The following ZNF335 variants were observed in gnomAD, a reference collection of about 807,000 sequenced individuals.
The protein encoded by ZNF335 is zinc finger protein 335, also known as NRC-interacting factor 1.
ZNF335 carries 84 observed loss-of-function variants against 145.6 expected under a neutral mutation model. The ratio of observed to expected loss-of-function variants is 0.58; its 90% CI spans 0.48 to 0.69. ZNF335 has a LOEUF of 0.69. Ranked by LOEUF, ZNF335 falls within the 30% of genes least tolerant of loss-of-function variation. The probability of loss-of-function intolerance (pLI) is 0.00; values close to 1 mark genes in which losing one functional copy is unlikely to be tolerated. For missense variants in ZNF335, 1,865 were observed against 1,809.7 expected, an observed-to-expected ratio of 1.03 and a Z score of -0.55; for synonymous variants, 761 against 717.0, an observed-to-expected ratio of 1.06 and a Z score of -0.98.
intron 15 of ZNF335, among the ~76,000 whole-genome samples, chr20:45,958,300 G>A (rs2083765562): frequency 6.6e-6 from 1 of 152,154 alleles, no homozygotes. Context: ...ACCCACCTCG[G>A]CCTCCCAAAG....
chr20:45,971,666 G>C (rs1337076351), intron 1 of ZNF335: 2 of 985,380 alleles, frequency 2.0e-6, no homozygotes, highest in Admixed American at 6.1e-5. Context: ...CCCTTCCCGG[G>C]AGGGTGGTCA....
At chr20:45,964,145 G>C (rs1374091654) in intron 7 of ZNF335, 155 bp from the exon 8 acceptor site, 1 of 938,530 alleles carries the variant, frequency 1.1e-6, no homozygotes, top group Non-Finnish European at 1.5e-6. Context: ...CCTGTGGTTA[G>C]AGGGCAGCAT....
Position 45,964,125 on chromosome 20 carries a change from A to C in ZNF335, c.1103-135T>G, listed in dbSNP as rs1440140968. 3.6e-6 allele frequency: 4 copies of C among 1,098,380 alleles called. No homozygotes were observed. The Admixed American group carries it at 1.2e-4, about 34-fold the overall frequency. 68.0% of individuals were successfully genotyped at this position (1,098,380 alleles called of 1,614,324 possible). On this transcript the variant is annotated intron_variant, in intron 7 of 27. Transcript: ENST00000322927. Reference sequence around the variant, plus strand: ...ACTGATGGGTGCATTGAGTCACATGACACAGACAGCCTGTGGTTAGAGGGC... The same window carrying C: ...ACTGATGGGTGCATTGAGTCACATGCCACAGACAGCCTGTGGTTAGAGGGC...
intron 6 of ZNF335, among the ~76,000 whole-genome samples, chr20:45,966,635 C>G (rs1315710894): frequency 6.7e-6 from 1 of 149,696 alleles, no homozygotes; most frequent in East Asian, 2.0e-4. Context: ...ACTGCAACCT[C>G]TACCTCCCGG....
In ZNF335 at chr20:45,969,573, A is replaced by C. The variant is rs775892992; in HGVS notation, c.320T>G (p.Val107Gly). ...GGGGTCTGGGAGTGCACTAGAGTGC[A>C]CAAGTGCTGGGGGACCGCCTGTCAC... ...AGVTGGPPAL[V>G]HSSALPDPNM... is the part of the protein sequence containing the mutation. The change falls in exon 3 of 28, where the codon GTG (valine) becomes GGG (glycine). Residue 107 changes from valine (V) to glycine (G), a missense_variant. By Grantham distance (109) the Val-to-Gly change is moderately radical. Coordinates refer to ENST00000322927, the MANE Select transcript of ZNF335 (RefSeq NM_022095.4). 1.2e-6 allele frequency: 2 copies of C among 1,605,108 alleles called. No individual in the cohort carries two copies. The highest frequency in any genetic ancestry group is 1.7e-5 in the Admixed American group (1 of 59,834).
At chr20:45,969,254 G>A (rs575588978) in intron 3 of ZNF335, among the ~76,000 whole-genome samples, 197 bp downstream of exon 3, 1 of 152,348 alleles carries the variant, frequency 6.6e-6, no homozygotes, top group African/African-American at 2.4e-5. Flanking sequence ...AGTCTGTCAT[G>A]CCAGGCGCTA....
intron 2 of ZNF335, among the ~76,000 whole-genome samples, chr20:45,970,487 T>C (rs1361665462): frequency 6.6e-6 from 1 of 152,240 alleles, no homozygotes; most frequent in East Asian, 1.9e-4. Context: ...AAAAACTCTA[T>C]GAGGCAGGTA....
chr20:45,968,177 G>T, intron 4 of ZNF335, 108 bp downstream of exon 4: 1 of 1,493,798 alleles, frequency 6.7e-7, no homozygotes, highest in Non-Finnish European at 9.2e-7. Context: ...GAGACCCAGA[G>T]CAGTGGATAC....
rs749979313 is a variant in ZNF335 at position 45,969,688 on chromosome 20, C to G, written c.205G>C (p.Glu69Gln). ...GCGCTCGAGCTGCTCTCAGATACCT[C>G]CTCCTGAGGGGCATGAAACAGGGAG... ...SSDRGSRSQE[E>Q]VSESSSSADP... Residue 69 changes from glutamate to glutamine, a missense_variant, in exon 3 of 28, where the codon GAG becomes CAG. Glu to Gln is a conservative substitution (Grantham distance 29). Coordinates refer to ENST00000322927, the MANE Select transcript of ZNF335 (RefSeq NM_022095.4). 2 of 1,611,030 alleles carry G rather than the reference C, an allele frequency of 1.2e-6. No individual in the cohort carries two copies. The highest frequency in any genetic ancestry group is 1.7e-6 in the Non-Finnish European group (2 of 1,178,844).
At chr20:45,957,994 C>G in intron 15 of ZNF335, 66 bp from the exon 16 acceptor site, 3 of 1,256,370 alleles carry the variant, frequency 2.4e-6, no homozygotes, top group Non-Finnish European at 3.5e-6. Flanking sequence ...ATTTGCCAAG[C>G]ACCTCTGATC....
intron 20 of ZNF335, among the ~76,000 whole-genome samples, chr20:45,951,543 C>T (rs894104163): frequency 6.6e-6 from 1 of 152,222 alleles, no homozygotes; most frequent in African/African-American, 2.4e-5. Flanking sequence ...AGTTGTTGCA[C>T]CTCAGTTCAT....
chr20:45,957,756 GC>G, intron 16 of ZNF335, 76 bp from the exon 17 acceptor site: 2 of 1,599,100 alleles, frequency 1.3e-6, no homozygotes, highest in Non-Finnish European at 1.7e-6. Flanking sequence ...CCATCTTCCA[GC>G]CCCCACCAGC....
rs1172293822 is a variant in ZNF335, at chr20:45,952,192, C to T, written c.3144G>A (p.Lys1048=). The T allele has an allele frequency of 1.2e-6, 2 of 1,611,602 alleles. No homozygotes were observed. The highest frequency in any genetic ancestry group is 2.2e-5 in the East Asian group (1 of 44,856). The change falls in exon 20 of 28, where the codon AAG becomes AAA. Residue 1048 remains lysine (K), a synonymous_variant. Transcript: ENST00000322927. ...GGGCACTGAAGGGGCAGTCGGGGCA[C>T]TTGAAGGCACCAGGCCCAGCGTGGG... ...KRAHAGPGAF[K]CPDCPFSARQ...
chr20:45,964,268 G>A, intron 7 of ZNF335: 1 of 375,456 alleles, frequency 2.7e-6, no homozygotes, highest in Non-Finnish European at 4.8e-6. Flanking sequence ...TCCAGGCACG[G>A]CTCTGTCACT....
At chr20:45,972,049 C>T in intron 1 of ZNF335, 73 bp downstream of exon 1, 1 of 1,258,592 alleles carries the variant, frequency 7.9e-7, no homozygotes. Flanking sequence ...ACCTCGCCTC[C>T]GGGTATCCCC....
Position 45,962,105 on chromosome 20 carries a change from G to T in ZNF335, c.1611C>A (p.Asp537Glu). ...TGTGCACAGCGGCGTGCCGAATGAC[G>T]TCCTTCCGGTAGACACTGGTGTAGC... ...ECSYTSVYRK[D>E]VIRHAAVHSR... Residue 537 changes from aspartate (D) to glutamate (E), a missense_variant, in exon 10 of 28, where the codon GAC becomes GAA. Transcript: ENST00000322927. 1 of 1,595,628 alleles carries T rather than the reference G, an allele frequency of 6.3e-7. No homozygotes were observed. The highest frequency in any genetic ancestry group is 8.6e-7 in the Non-Finnish European group (1 of 1,168,958).
At chr20:45,953,615 G>A in intron 18 of ZNF335, 74 bp downstream of exon 18, 1 of 1,577,544 alleles carries the variant, frequency 6.3e-7, no homozygotes. Context: ...ACTAGGCTTG[G>A]GTGGGGCCCA....
chr20:45,965,707 G>T lies in ZNF335; in HGVS notation c.1023C>A (p.Thr341=), dbSNP rs781326240. Reference sequence around the variant, plus strand: ...TCCTTCGGGGCCTTGGGGTACTGGGGGTGGGGCGCTGGAGCCGAAGCTGCC... The same window carrying T: ...TCCTTCGGGGCCTTGGGGTACTGGGTGTGGGGCGCTGGAGCCGAAGCTGCC... ...RGRQLRLQRP[T]PSTPRPRRRP... Residue 341 remains threonine, a synonymous_variant, in exon 7 of 28, where the codon ACC becomes ACA. Transcript: ENST00000322927. 1 of 1,605,372 alleles carries T rather than the reference G, an allele frequency of 6.2e-7. No individual in the cohort carries two copies. Among genetic ancestry groups the T allele is most frequent in the Non-Finnish European group, 8.5e-7 (1 of 1,176,456 alleles).
chr20:45,962,440 G>T (rs1012907818), intron 9 of ZNF335, among the ~76,000 whole-genome samples: 6 of 152,254 alleles, frequency 3.9e-5, no homozygotes, highest in Admixed American at 3.9e-4. Flanking sequence ...TCAGGGTGGA[G>T]GGACCTTGCG....
Sources: gnomAD v4.1 joint callset for allele counts (sites outside exome capture counted in the v4.1 genomes callset) on GRCh38, gnomAD v4.1.1 for gene constraint, MANE v1.5 for transcripts, NCBI Gene and HGNC (gene_info 2026-07-23, HGNC 2026-07-21) for gene names.